Variants in RBBP8 observed in about 807,000 individuals in gnomAD.
RBBP8 encodes DNA endonuclease RBBP8.
In RBBP8, 88 loss-of-function variants were observed where a neutral mutation model predicts 108.3. That is an observed-to-expected ratio of 0.81 (90% CI 0.68 to 0.97). RBBP8 has a LOEUF of 0.97. Among genes scored for constraint, RBBP8 ranks in the 50% least tolerant of loss-of-function variants. The pLI, the probability that RBBP8 is intolerant of heterozygous loss-of-function variation, is 0.00. For synonymous variants in RBBP8, 332 were observed against 348.2 expected, an observed-to-expected ratio of 0.95 and a Z score of 0.52; for missense variants, 1,023 against 1,049.0, an observed-to-expected ratio of 0.98 and a Z score of 0.34.
intron 6 of RBBP8, 141 bp from the exon 7 acceptor site, chr18:22,982,077 C>G (rs1267048566): frequency 1.4e-5 from 13 of 933,758 alleles, no homozygotes; most frequent in Non-Finnish European, 2.1e-5. Flanking sequence ...GTGTACTTAT[C>G]TACTTAGGTT....
intron 3 of RBBP8, among the ~76,000 whole-genome samples, chr18:22,925,127 C>A (rs1439947751): frequency 6.6e-6 from 1 of 152,108 alleles, no homozygotes; most frequent in Non-Finnish European, 1.5e-5. Flanking sequence ...ACCTAGACTT[C>A]CCAAAGTGCT....
intron 15 of RBBP8, 104 bp downstream of exon 15, chr18:23,001,833 G>A: frequency 7.1e-7 from 1 of 1,411,766 alleles, no homozygotes; most frequent in Non-Finnish European, 9.8e-7. Flanking sequence ...AACAATTGAA[G>A]TTTCATATTT....
chr18:22,994,737 T>C (rs1567986675), intron 12 of RBBP8, among the ~76,000 whole-genome samples: 1 of 151,778 alleles, frequency 6.6e-6, no homozygotes, highest in African/African-American at 2.4e-5. Flanking sequence ...TTATTATTAT[T>C]ATTTGAGACA....
At chr18:22,941,319 G>A (rs927875920) in intron 2 of RBBP8, among the ~76,000 whole-genome samples, 1 of 151,924 alleles carries the variant, frequency 6.6e-6, no homozygotes, top group East Asian at 1.9e-4. Context: ...CTACAGGCAC[G>A]CACCACCACT....
chr18:22,967,621 A>G (rs184821157), intron 4 of RBBP8, among the ~76,000 whole-genome samples: 53 of 152,162 alleles, frequency 3.5e-4, no homozygotes, highest in African/African-American at 8.2e-4. Flanking sequence ...AACAGTCACA[A>G]ATAATTAGTA....
intron 1 of RBBP8, chr18:22,934,133 C>T (rs1044258564): frequency 7.2e-5 from 11 of 152,212 alleles, no homozygotes; most frequent in Admixed American, 3.9e-4. Flanking sequence ...AATTACAGGC[C>T]TTTGAGCCCA....
At chr18:22,987,679 T>C (rs1468286535) in intron 8 of RBBP8, among the ~76,000 whole-genome samples, 2 of 152,184 alleles carry the variant, frequency 1.3e-5, no homozygotes, top group African/African-American at 4.8e-5. Context: ...CTTGCTCTCC[T>C]AGTCTCAAGC....
At chr18:22,989,360 A>G in intron 9 of RBBP8, 42 bp downstream of exon 9, 2 of 1,406,082 alleles carry the variant, frequency 1.4e-6, no homozygotes, top group Non-Finnish European at 2.0e-6. Context: ...AATTAATTTT[A>G]TGTCTTTTTA....
intron 15 of RBBP8, among the ~76,000 whole-genome samples, 160 bp from the exon 16 acceptor site, chr18:23,006,203 G>C (rs758618297): frequency 1.3e-5 from 2 of 151,508 alleles, no homozygotes; most frequent in African/African-American, 2.4e-5. Flanking sequence ...AAAAAAAATA[G>C]TTACAAAGTT....
rs182686934 is a variant in RBBP8, at chr18:23,020,601, T to A, written c.2455-1528T>A. On this transcript the variant is annotated intron_variant, in intron 17 of 18. Coordinates refer to ENST00000327155, the MANE Select transcript of RBBP8 (RefSeq NM_002894.3). ...CAGCAATGAATGGCCTTTTTTTTTT[T>A]AAATAATCTTTTTAGAATAAAAGTT... Among the ~76,000 whole-genome samples, 536 of 152,080 alleles carry A rather than the reference T, an allele frequency of 3.5e-3. 3 individuals carry two copies. The highest frequency in any genetic ancestry group is 0.012 in the African/African-American group (501 of 41,496).
At chr18:23,020,533 C>T (rs2046331699) in intron 17 of RBBP8, among the ~76,000 whole-genome samples, 1 of 152,070 alleles carries the variant, frequency 6.6e-6, no homozygotes, top group South Asian at 2.1e-4. Context: ...TCCCCATTCT[C>T]TTTTACTTTT....
At chr18:22,921,943 T>C (rs1044159752) in intron 3 of RBBP8, among the ~76,000 whole-genome samples, 2 of 152,194 alleles carry the variant, frequency 1.3e-5, no homozygotes, top group African/African-American at 2.4e-5. Context: ...TTGACTACAT[T>C]GGACCCTCGA....
intron 2 of RBBP8, among the ~76,000 whole-genome samples, chr18:22,944,456 A>G (rs530094041): frequency 6.6e-6 from 1 of 152,352 alleles, no homozygotes; most frequent in East Asian, 1.9e-4. Flanking sequence ...TAAAAACAAA[A>G]AAAAAATCTG....
chr18:22,956,489 C>A (rs75803140), intron 4 of RBBP8, among the ~76,000 whole-genome samples: 4 of 152,152 alleles, frequency 2.6e-5, no homozygotes, highest in Non-Finnish European at 5.9e-5. Context: ...GCAAGCACCA[C>A]GCCATGCCTG....
At chr18:23,018,146 G>A (rs576464118) in intron 17 of RBBP8, among the ~76,000 whole-genome samples, 2 of 151,714 alleles carry the variant, frequency 1.3e-5, no homozygotes, top group Non-Finnish European at 2.9e-5. Context: ...CCATTTCCCG[G>A]GTTCAGACGA....
chr18:23,022,863 C>T (rs544358250), intron 18 of RBBP8, among the ~76,000 whole-genome samples: 12 of 150,750 alleles, frequency 8.0e-5, no homozygotes, highest in Admixed American at 2.0e-4. Flanking sequence ...TTCTGGTTTA[C>T]CAAATTTCAA....
chr18:22,984,932 T>C lies in RBBP8; in HGVS notation c.651T>C (p.Pro217=), dbSNP rs1915216881. 1 of 1,611,512 alleles carries C rather than the reference T, an allele frequency of 6.2e-7. No individual in the cohort carries two copies. The highest frequency in any genetic ancestry group is 1.3e-5 in the African/African-American group (1 of 74,862). Residue 217 remains proline, a synonymous_variant, in exon 8 of 19, where the codon CCT becomes CCC. Transcript: ENST00000327155. ...CTTCAACTCATCCACAACATAATCC[T>C]AATGAAAATGAAATTCTAGTAGCTG... ...SKSSTHPQHN[P]NENEILVADT...
intron 16 of RBBP8, among the ~76,000 whole-genome samples, chr18:23,007,355 A>G (rs1343543738): frequency 2.6e-5 from 4 of 151,676 alleles, no homozygotes; most frequent in African/African-American, 9.7e-5. Context: ...ATGTCTTTTT[A>G]TTCTATCTTT....
chr18:23,003,773 A>G (rs1322578471), intron 15 of RBBP8, among the ~76,000 whole-genome samples: 1 of 152,196 alleles, frequency 6.6e-6, no homozygotes, highest in Non-Finnish European at 1.5e-5. Flanking sequence ...GTAAATTAGT[A>G]TAGCCATTTT....
Sources: gnomAD v4.1 joint callset for allele counts (sites outside exome capture counted in the v4.1 genomes callset) on GRCh38, gnomAD v4.1.1 for gene constraint, MANE v1.5 for transcripts, NCBI Gene and HGNC (gene_info 2026-07-23, HGNC 2026-07-21) for gene names.